Variants in GRID2 observed in about 807,000 individuals in gnomAD.
GRID2 encodes glutamate ionotropic receptor delta type subunit 2.
A neutral mutation model predicts 114.8 loss-of-function variants in GRID2; 33 were observed. The observed-to-expected ratio is 0.29, with a 90% CI of 0.22 to 0.38. The LOEUF is 0.38. Among genes scored for constraint, GRID2 ranks in the 10% least tolerant of loss-of-function variants. GRID2 has a pLI of 1.00. For synonymous variants in GRID2, 505 were observed against 449.9 expected, an observed-to-expected ratio of 1.12 and a Z score of -1.55; for missense variants, 1,184 against 1,257.7, an observed-to-expected ratio of 0.94 and a Z score of 0.89.
intron 1 of GRID2, among the ~76,000 whole-genome samples, chr4:92,550,326 C>A (rs966154961): frequency 2.2e-4 from 34 of 152,148 alleles, no homozygotes; most frequent in Admixed American, 1.4e-3. Flanking sequence ...TTTCCATCTA[C>A]AAAAGGAAAA....
intron 3 of GRID2, among the ~76,000 whole-genome samples, chr4:93,092,717 C>G (rs1012707696): frequency 6.6e-6 from 1 of 152,022 alleles, no homozygotes; most frequent in African/African-American, 2.4e-5. Context: ...TATACTTCCA[C>G]AATTCACAGC....
At chr4:92,620,686 T>G (rs891880541) in intron 2 of GRID2, among the ~76,000 whole-genome samples, 3 of 150,782 alleles carry the variant, frequency 2.0e-5, no homozygotes, top group Admixed American at 1.3e-4. Flanking sequence ...TTGCATATAA[T>G]AGGAAACAAA....
At chr4:93,799,907 C>T (rs10012778) in intron 1 of GRID2, among the ~76,000 whole-genome samples, 73,920 of 152,002 alleles carry the variant, frequency 0.49, 18,590 homozygotes, top group Non-Finnish European at 0.55. Context: ...CTCAGTGAGA[C>T]ACTAAGGAAA....
At chr4:92,338,910 A>G (rs763108038) in intron 1 of GRID2, among the ~76,000 whole-genome samples, 5 of 152,064 alleles carry the variant, frequency 3.3e-5, no homozygotes, top group Non-Finnish European at 7.4e-5. Flanking sequence ...TTTATTTTAC[A>G]GGAGGTGTGG....
chr4:93,134,061 A>C (rs1735031522), intron 4 of GRID2, among the ~76,000 whole-genome samples: 1 of 152,158 alleles, frequency 6.6e-6, no homozygotes, highest in African/African-American at 2.4e-5. Context: ...CTCATCTCCC[A>C]GTTAAACACA....
intron 13 of GRID2, among the ~76,000 whole-genome samples, chr4:93,547,810 T>C (rs1733366145): frequency 6.6e-6 from 1 of 152,242 alleles, no homozygotes; most frequent in East Asian, 1.9e-4. Flanking sequence ...AGTAGAACTG[T>C]CTGAAATGCC....
intron 8 of GRID2, among the ~76,000 whole-genome samples, chr4:93,313,658 A>G (rs1756261127): frequency 6.6e-6 from 1 of 152,210 alleles, no homozygotes; most frequent in South Asian, 2.1e-4. Context: ...TATGCTAAGT[A>G]CTAGTATGGA....
At chr4:92,701,536 A>C (rs1397404268) in intron 2 of GRID2, among the ~76,000 whole-genome samples, 1 of 152,244 alleles carries the variant, frequency 6.6e-6, no homozygotes, top group African/African-American at 2.4e-5. Flanking sequence ...TGAATAATTC[A>C]AATGTTTAGC....
chr4:92,444,987 T>C (rs1733372647), intron 1 of GRID2, among the ~76,000 whole-genome samples: 1 of 152,194 alleles, frequency 6.6e-6, no homozygotes, highest in African/African-American at 2.4e-5. Context: ...GTTTGTTTGT[T>C]TGTGAAAGGA....
chr4:93,495,367 A>G (rs1230364658), intron 12 of GRID2, among the ~76,000 whole-genome samples: 1 of 151,774 alleles, frequency 6.6e-6, no homozygotes, highest in African/African-American at 2.4e-5. Context: ...ATAATTATTG[A>G]GCAATTTTTT....
At chr4:93,035,574 T>A (rs1445597411) in intron 2 of GRID2, among the ~76,000 whole-genome samples, 2 of 152,086 alleles carry the variant, frequency 1.3e-5, no homozygotes, top group African/African-American at 4.8e-5. Context: ...TAGGTCAGGG[T>A]CTCTCACAAG....
At chr4:92,665,119 T>A (rs1033750260) in intron 2 of GRID2, among the ~76,000 whole-genome samples, 1 of 151,082 alleles carries the variant, frequency 6.6e-6, no homozygotes, top group African/African-American at 2.4e-5. Flanking sequence ...TTTGCATTAC[T>A]GTCTTCTGTG....
chr4:92,968,941 T>C (rs1031231226), intron 2 of GRID2, among the ~76,000 whole-genome samples: 16 of 151,848 alleles, frequency 1.1e-4, no homozygotes, highest in African/African-American at 3.1e-4. Flanking sequence ...TGTTGTTTAT[T>C]GTTTGGCCAT....
intron 2 of GRID2, among the ~76,000 whole-genome samples, chr4:92,724,368 C>G (rs1316465701): frequency 6.6e-6 from 1 of 152,142 alleles, no homozygotes; most frequent in Non-Finnish European, 1.5e-5. Flanking sequence ...TCTGCAGATC[C>G]TGAATACGCC....
chr4:92,610,757 C>G (rs148025680), intron 2 of GRID2, among the ~76,000 whole-genome samples: 1 of 151,586 alleles, frequency 6.6e-6, no homozygotes, highest in Non-Finnish European at 1.5e-5. Context: ...AAGCCAACCA[C>G]GAATTGTTTC....
chr4:92,704,016 C>T (rs972582744), intron 2 of GRID2, among the ~76,000 whole-genome samples: 1 of 152,196 alleles, frequency 6.6e-6, no homozygotes, highest in Non-Finnish European at 1.5e-5. Context: ...TTGCTCACGC[C>T]TGTGAATCCC....
intron 2 of GRID2, among the ~76,000 whole-genome samples, chr4:92,945,125 T>A (rs1165540036): frequency 6.6e-6 from 1 of 152,192 alleles, no homozygotes; most frequent in Non-Finnish European, 1.5e-5. Context: ...AGTGACTTAT[T>A]GTGTAATGCT....
chr4:92,976,118 T>G (rs566314020), intron 2 of GRID2, among the ~76,000 whole-genome samples: 1 of 152,094 alleles, frequency 6.6e-6, no homozygotes, highest in Non-Finnish European at 1.5e-5. Context: ...TACTCAATCA[T>G]AGACTGTTGA....
At chr4:93,285,971 G>A (rs983510902) in intron 8 of GRID2, among the ~76,000 whole-genome samples, 1 of 151,904 alleles carries the variant, frequency 6.6e-6, no homozygotes, top group African/African-American at 2.4e-5. Context: ...ATTTTAATAC[G>A]CTGTAAGTAT....
Sources: gnomAD v4.1 joint callset for allele counts (sites outside exome capture counted in the v4.1 genomes callset) on GRCh38, gnomAD v4.1.1 for gene constraint, MANE v1.5 for transcripts, NCBI Gene and HGNC (gene_info 2026-07-23, HGNC 2026-07-21) for gene names.